VPS13B: variants seen among roughly 807,000 people sequenced by gnomAD.
VPS13B encodes the protein intermembrane lipid transfer protein VPS13B.
A neutral mutation model predicts 426.4 loss-of-function variants in VPS13B; 285 were observed. The ratio of observed to expected loss-of-function variants is 0.67; its 90% CI spans 0.61 to 0.74. The LOEUF (loss-of-function observed/expected upper bound fraction) is 0.74. Ranked by LOEUF, VPS13B falls within the 30% of genes least tolerant of loss-of-function variation. The pLI is 0.00. For synonymous variants in VPS13B, 1,676 were observed against 1,676.4 expected (o/e 1.00, Z 0.01); for missense variants, 4,537 against 4,782.6 (o/e 0.95, Z 1.51).
chr8:99,818,664 A>T, intron 46 of VPS13B, 49 bp from the exon 47 acceptor site: 1 of 1,609,486 alleles, frequency 6.2e-7, no homozygotes, highest in Non-Finnish European at 8.5e-7. Context: ...CAGCTGGAAT[A>T]CTGCAACAAA....
chr8:99,830,192 T>C (rs2130850486), intron 51 of VPS13B, among the ~76,000 whole-genome samples: 1 of 152,328 alleles, frequency 6.6e-6, no homozygotes, highest in African/African-American at 2.4e-5. Context: ...GCTGAAGCTG[T>C]GCCCACAGCT....
At chr8:99,211,169 A>G (rs7016044) in intron 17 of VPS13B, among the ~76,000 whole-genome samples, 125,161 of 151,604 alleles carry the variant, frequency 0.83, 52,176 homozygotes, top group South Asian at 0.89. Context: ...GAGAGGCTGA[A>G]TGAAGTAGGC....
chr8:99,341,935 G>A (rs1198598145), intron 19 of VPS13B, among the ~76,000 whole-genome samples: 2 of 152,152 alleles, frequency 1.3e-5, no homozygotes, highest in East Asian at 3.9e-4. Flanking sequence ...GACTGGGGCT[G>A]GGAGAGTTTT....
At chr8:99,249,572 C>T (rs776621865) in intron 17 of VPS13B, among the ~76,000 whole-genome samples, 1 of 151,894 alleles carries the variant, frequency 6.6e-6, no homozygotes, top group African/African-American at 2.4e-5. Flanking sequence ...TACAGACACC[C>T]GCCACCACGC....
intron 33 of VPS13B, among the ~76,000 whole-genome samples, chr8:99,612,680 T>C (rs1028526112): frequency 2.0e-5 from 3 of 152,118 alleles, no homozygotes; most frequent in African/African-American, 2.4e-5. Flanking sequence ...TAGTTCTCAT[T>C]TGGAGTGGGA....
At chr8:99,838,172 A>G (rs962846331) in intron 54 of VPS13B, among the ~76,000 whole-genome samples, 3 of 152,196 alleles carry the variant, frequency 2.0e-5, no homozygotes, top group African/African-American at 7.2e-5. Flanking sequence ...TCCCTGGCTC[A>G]CACCTAGTCA....
chr8:99,187,979 G>C (rs942626565), intron 16 of VPS13B, among the ~76,000 whole-genome samples: 1 of 151,424 alleles, frequency 6.6e-6, no homozygotes, highest in East Asian at 1.9e-4. Context: ...AAGAGAGAGA[G>C]AGAGTGACGG....
At chr8:99,274,385 C>T in intron 18 of VPS13B, 53 bp downstream of exon 18, 1 of 1,613,252 alleles carries the variant, frequency 6.2e-7, no homozygotes, top group South Asian at 1.1e-5. Context: ...GAGAATTGGC[C>T]TTGCGTTTTA....
intron 2 of VPS13B, among the ~76,000 whole-genome samples, chr8:99,015,818 G>C (rs1276493114): frequency 6.6e-6 from 1 of 152,030 alleles, no homozygotes; most frequent in Non-Finnish European, 1.5e-5. Context: ...CAGGAGAATT[G>C]CTTGAACCCG....
At chr8:99,650,386 G>T (rs74437714) in intron 34 of VPS13B, among the ~76,000 whole-genome samples, 1 of 152,118 alleles carries the variant, frequency 6.6e-6, no homozygotes, top group African/African-American at 2.4e-5. Flanking sequence ...AATGCTGTGA[G>T]ATTCATTGCC....
At chr8:99,663,280 TGG>T (rs958972205) in intron 35 of VPS13B, among the ~76,000 whole-genome samples, 5 of 152,186 alleles carry the variant, frequency 3.3e-5, no homozygotes, top group African/African-American at 1.2e-4. Flanking sequence ...ACTTTGTCAC[TGG>T]GGACGAATTC....
chr8:99,423,433 T>TG (rs111981058), intron 21 of VPS13B, among the ~76,000 whole-genome samples: 1 of 141,516 alleles, frequency 7.1e-6, no homozygotes, highest in Non-Finnish European at 1.5e-5. Flanking sequence ...ATTTTTTTTT[T>TG]TTTTTTGTAT....
chr8:99,050,503 A>G (rs1290610979), intron 3 of VPS13B, among the ~76,000 whole-genome samples: 1 of 152,172 alleles, frequency 6.6e-6, no homozygotes, highest in Non-Finnish European at 1.5e-5. Flanking sequence ...ATACGTGTGC[A>G]TGTGTCTTTA....
chr8:99,500,983 A>G (rs1250425207), intron 25 of VPS13B, among the ~76,000 whole-genome samples: 1 of 152,236 alleles, frequency 6.6e-6, no homozygotes, highest in East Asian at 1.9e-4. Context: ...TTCAGAGTTC[A>G]GTATGTATTT....
intron 3 of VPS13B, among the ~76,000 whole-genome samples, chr8:99,050,424 C>T (rs1843475328): frequency 6.6e-6 from 1 of 152,132 alleles, no homozygotes; most frequent in Non-Finnish European, 1.5e-5. Context: ...TTTCTTAATC[C>T]AGTCTATCAT....
chr8:99,076,158 G>T (rs1438956161), intron 3 of VPS13B, among the ~76,000 whole-genome samples: 1 of 152,048 alleles, frequency 6.6e-6, no homozygotes, highest in Non-Finnish European at 1.5e-5. Flanking sequence ...GTCTCTATTT[G>T]TACAGTTTCC....
At chr8:99,743,792 A>G (rs1227062553) in intron 39 of VPS13B, among the ~76,000 whole-genome samples, 9 of 152,106 alleles carry the variant, frequency 5.9e-5, no homozygotes, top group East Asian at 1.9e-4. Context: ...GCTGAAACTC[A>G]ATCCCTTCCT....
At chr8:99,782,914 G>C (rs889248367) in intron 42 of VPS13B, among the ~76,000 whole-genome samples, 1 of 152,090 alleles carries the variant, frequency 6.6e-6, no homozygotes. Context: ...CTCTTTTGGC[G>C]ATTAGTGTGA....
chr8:99,313,311 G>C (rs184613990), intron 19 of VPS13B, among the ~76,000 whole-genome samples: 1 of 152,182 alleles, frequency 6.6e-6, no homozygotes, highest in East Asian at 1.9e-4. Flanking sequence ...ATCTACCTTT[G>C]GTCTTTGATG....
Sources: allele counts gnomAD v4.1 joint callset (sites outside exome capture counted in the v4.1 genomes callset), GRCh38; gene constraint gnomAD v4.1.1; transcripts MANE v1.5; gene names NCBI Gene and HGNC (gene_info 2026-07-23, HGNC 2026-07-21).